Variants in CSNK2A2IP observed in about 807,000 individuals in gnomAD.
The protein encoded by CSNK2A2IP is casein kinase 2 subunit alpha' interacting protein.
chr3:88,411,383 A>G, the CSNK2A2IP span, among the ~76,000 whole-genome samples: 8,289 of 54,730 alleles, frequency 0.15, 548 homozygotes, highest in African/African-American at 0.28. Context: ...CTATCTGTCT[A>G]TCTATCTATC....
chr3:88,359,226 G>A, the CSNK2A2IP span, among the ~76,000 whole-genome samples: 1 of 151,584 alleles, frequency 6.6e-6, no homozygotes, highest in Non-Finnish European at 1.5e-5. Context: ...GGCATCAGTT[G>A]TAATGTCTCT....
the CSNK2A2IP span, among the ~76,000 whole-genome samples, chr3:88,348,221 G>T: frequency 1.3e-5 from 2 of 151,886 alleles, no homozygotes; most frequent in Admixed American, 6.6e-5. Flanking sequence ...CTAAGACTGA[G>T]AATTTCTGTT....
the CSNK2A2IP span, among the ~76,000 whole-genome samples, chr3:88,426,521 A>C: frequency 6.6e-6 from 1 of 152,164 alleles, no homozygotes; most frequent in Non-Finnish European, 1.5e-5. Context: ...TCGCACCCAA[A>C]TCTCACCCTG....
At chr3:88,384,400 C>T in the CSNK2A2IP span, among the ~76,000 whole-genome samples, 140 of 151,764 alleles carry the variant, frequency 9.2e-4, no homozygotes, top group Non-Finnish European at 4.0e-4. Flanking sequence ...AAAACACTAG[C>T]CATCTGAAGA....
chr3:88,417,990 T>C, the CSNK2A2IP span, among the ~76,000 whole-genome samples: 2 of 152,216 alleles, frequency 1.3e-5, no homozygotes, highest in South Asian at 2.1e-4. Context: ...TTTTAAAATG[T>C]ATATTAATCA....
At chr3:88,375,072 T>G in the CSNK2A2IP span, among the ~76,000 whole-genome samples, 1 of 151,732 alleles carries the variant, frequency 6.6e-6, no homozygotes, top group African/African-American at 2.4e-5. Flanking sequence ...GTCACCTCAC[T>G]GTCATAATTC....
the CSNK2A2IP span, among the ~76,000 whole-genome samples, chr3:88,361,256 A>G: frequency 6.6e-6 from 1 of 152,184 alleles, no homozygotes; most frequent in Non-Finnish European, 1.5e-5. Flanking sequence ...CTCTTCTTTC[A>G]GACTGAAGAA....
At chr3:88,429,093 T>C in the CSNK2A2IP span, among the ~76,000 whole-genome samples, 1 of 151,588 alleles carries the variant, frequency 6.6e-6, no homozygotes, top group Admixed American at 6.6e-5. Context: ...ACTTGTATTG[T>C]TGGATATTAT....
the CSNK2A2IP span, among the ~76,000 whole-genome samples, chr3:88,371,254 A>T: frequency 2.2e-4 from 33 of 152,010 alleles, no homozygotes; most frequent in African/African-American, 7.7e-4. Context: ...TAACACAGAC[A>T]TCAAAGCAGC....
At chr3:88,439,273 TTA>T in the CSNK2A2IP span, among the ~76,000 whole-genome samples, 1 of 152,180 alleles carries the variant, frequency 6.6e-6, no homozygotes, top group African/African-American at 2.4e-5. Flanking sequence ...TGCCTCAAAA[TTA>T]TCCCCCATGT....
chr3:88,381,709 C>T, the CSNK2A2IP span, among the ~76,000 whole-genome samples: 3 of 152,202 alleles, frequency 2.0e-5, no homozygotes, highest in East Asian at 1.9e-4. Context: ...ATTTCAGCAG[C>T]GACACAATTT....
At chr3:88,427,920 AG>A in the CSNK2A2IP span, among the ~76,000 whole-genome samples, 1 of 152,080 alleles carries the variant, frequency 6.6e-6, no homozygotes, top group African/African-American at 2.4e-5. Context: ...CTGTGAGAGG[AG>A]GGCCACCATC....
chr3:88,341,793 A>G, the CSNK2A2IP span, among the ~76,000 whole-genome samples: 1 of 151,874 alleles, frequency 6.6e-6, no homozygotes, highest in African/African-American at 2.4e-5. Flanking sequence ...AAGGGAATTC[A>G]TTTTTCTGAA....
chr3:88,396,903 A>G, the CSNK2A2IP span, among the ~76,000 whole-genome samples: 1 of 152,046 alleles, frequency 6.6e-6, no homozygotes, highest in African/African-American at 2.4e-5. Context: ...AAATGGAAAG[A>G]ATTGGATATA....
At chr3:88,428,033 C>T in the CSNK2A2IP span, among the ~76,000 whole-genome samples, 1 of 152,156 alleles carries the variant, frequency 6.6e-6, no homozygotes, top group Non-Finnish European at 1.5e-5. Flanking sequence ...AGAAGGGGGG[C>T]TGTGGGTTGC....
chr3:88,466,700 T>C, the CSNK2A2IP span: 5 of 1,141,424 alleles, frequency 4.4e-6, no homozygotes, highest in Admixed American at 8.5e-5. Context: ...CAGAGGGATC[T>C]CTGTAGGCAG....
the CSNK2A2IP span, among the ~76,000 whole-genome samples, chr3:88,449,870 T>TAGAGAGAGAGAGAGAGAGAG: frequency 1.2e-5 from 1 of 81,702 alleles, no homozygotes; most frequent in Non-Finnish European, 2.9e-5. Context: ...TATATATATA[T>TAGAGAGAGAGAGAGAGAGAG]ATATAGAGAG....
chr3:88,465,618 T>A, the CSNK2A2IP span: 1 of 1,231,688 alleles, frequency 8.1e-7, no homozygotes, highest in Non-Finnish European at 1.0e-6. Flanking sequence ...GTGATAGGTT[T>A]CTGAATTCAC....
At chr3:88,373,079 C>T in the CSNK2A2IP span, among the ~76,000 whole-genome samples, 3 of 151,344 alleles carry the variant, frequency 2.0e-5, no homozygotes, top group African/African-American at 2.4e-5. Flanking sequence ...AACAAGTTTA[C>T]AGAAATTCAG....
Sources: gnomAD v4.1 joint callset for allele counts (sites outside exome capture counted in the v4.1 genomes callset) on GRCh38, gnomAD v4.1.1 for gene constraint, MANE v1.5 for transcripts, NCBI Gene and HGNC (gene_info 2026-07-23, HGNC 2026-07-21) for gene names.